The following USP13 variants were observed in gnomAD, a reference collection of about 807,000 sequenced individuals.
USP13 encodes the protein ubiquitin carboxyl-terminal hydrolase 13.
A neutral mutation model predicts 107.8 loss-of-function variants in USP13; 68 were observed. The observed-to-expected ratio is 0.63, with a 90% CI of 0.52 to 0.77. The LOEUF (loss-of-function observed/expected upper bound fraction) is 0.77, where lower values mean the gene tolerates loss of function less well. Ranked by LOEUF, USP13 falls within the 30% of genes least tolerant of loss-of-function variation. The pLI, the probability that USP13 is intolerant of heterozygous loss-of-function variation, is 0.00. For missense variants in USP13, 945 were observed against 1,093.3 expected, an observed-to-expected ratio of 0.86 and a Z score of 1.91; for synonymous variants, 377 against 389.5, an observed-to-expected ratio of 0.97 and a Z score of 0.38.
chr3:179,679,049 G>A (rs1332523162), intron 1 of USP13, among the ~76,000 whole-genome samples: 1 of 152,084 alleles, frequency 6.6e-6, no homozygotes, highest in South Asian at 2.1e-4. Context: ...TTGAGTTAAT[G>A]CTGTTAAGTG....
intron 16 of USP13, 132 bp from the exon 17 acceptor site, chr3:179,760,980 G>T: frequency 8.6e-7 from 1 of 1,167,274 alleles, no homozygotes. Context: ...ACTAAACAAA[G>T]TAAAACCATT....
intron 19 of USP13, among the ~76,000 whole-genome samples, chr3:179,777,759 C>G (rs1264549403): frequency 6.6e-6 from 1 of 152,084 alleles, no homozygotes; most frequent in Non-Finnish European, 1.5e-5. Flanking sequence ...CCTGTATCCT[C>G]TCTTCATTTC....
At chr3:179,697,524 C>A (rs1420821366) in intron 3 of USP13, among the ~76,000 whole-genome samples, 1 of 152,090 alleles carries the variant, frequency 6.6e-6, no homozygotes, top group African/African-American at 2.4e-5. Context: ...CTGGGAGGAT[C>A]ATCAAAGCAG....
intron 19 of USP13, among the ~76,000 whole-genome samples, chr3:179,773,757 TAGTC>T (rs1715410997): frequency 6.6e-6 from 1 of 152,240 alleles, no homozygotes. Context: ...GGTTAAAAAT[TAGTC>T]AGTGTCTGTC....
intron 19 of USP13, among the ~76,000 whole-genome samples, chr3:179,767,817 G>A (rs1031824596): frequency 6.6e-6 from 1 of 152,142 alleles, no homozygotes; most frequent in Admixed American, 6.5e-5. Context: ...TAATCATATA[G>A]TGGCAGATTT....
intron 12 of USP13, among the ~76,000 whole-genome samples, chr3:179,744,106 T>C (rs1277120903): frequency 6.6e-6 from 1 of 152,072 alleles, no homozygotes; most frequent in Admixed American, 6.6e-5. Context: ...CCTTCTGGGT[T>C]GGTAGCCCTG....
At chr3:179,758,655 C>T (rs1343622216) in intron 16 of USP13, among the ~76,000 whole-genome samples, 2 of 151,810 alleles carry the variant, frequency 1.3e-5, no homozygotes, top group Non-Finnish European at 2.9e-5. Context: ...CCTGCCACCA[C>T]AACCGGCTCA....
In USP13 at chr3:179,708,886, C is replaced by T. The variant is rs200478981; in HGVS notation, c.734C>T (p.Ala245Val). 1.2e-4 allele frequency: 200 copies of T among 1,613,970 alleles called. No homozygotes were observed. The highest frequency in any genetic ancestry group is 1.5e-4 in the Non-Finnish European group (179 of 1,180,036). Residue 245 changes from alanine (A) to valine (V), a missense_variant, in exon 6 of 21, where the codon GCG becomes GTG. Coordinates refer to ENST00000263966, the MANE Select transcript of USP13 (RefSeq NM_003940.3). ...FFDSSGGNGH[A>V]LEHYRDMGYP... ...GACAGCTCTGGGGGCAACGGGCATG[C>T]GCTGGAGCATTACAGAGACATGGGC...
Position 179,708,965 on chromosome 3 carries a change from C to T in USP13, c.805+8C>T, listed in dbSNP as rs1048247578. On this transcript the variant is annotated splice_region_variant and intron_variant, in intron 6 of 20. Coordinates refer to ENST00000263966, the MANE Select transcript of USP13 (RefSeq NM_003940.3). ...TCACTCCTGACGGGGCAGGTGAGTG[C>T]GCCTTTACCGACTTTGGGAACATGC... is the stretch of plus-strand genomic sequence containing the variant. 3 of 1,611,034 alleles carry T rather than the reference C, an allele frequency of 1.9e-6. No homozygotes were observed. Among genetic ancestry groups the T allele is most frequent in the Non-Finnish European group, 8.5e-7 (1 of 1,178,284 alleles).
At chr3:179,669,031 A>G (rs1226992247) in intron 1 of USP13, among the ~76,000 whole-genome samples, 7 of 152,198 alleles carry the variant, frequency 4.6e-5, no homozygotes, top group African/African-American at 1.7e-4. Flanking sequence ...GATGAAAGCA[A>G]AAGTTGGGCA....
intron 1 of USP13, among the ~76,000 whole-genome samples, chr3:179,672,891 C>T (rs931705535): frequency 2.0e-5 from 3 of 152,162 alleles, no homozygotes; most frequent in Non-Finnish European, 4.4e-5. Context: ...TCCTATTTAG[C>T]TTAGGATTGT....
intron 1 of USP13, among the ~76,000 whole-genome samples, chr3:179,654,679 G>C (rs1413679435): frequency 6.6e-6 from 1 of 152,178 alleles, no homozygotes; most frequent in East Asian, 1.9e-4. Context: ...GGCAGGTCTC[G>C]CAATGGTCTA....
In USP13 at chr3:179,754,843, A is replaced by T. The variant is rs767768294; in HGVS notation, c.1910A>T (p.Asp637Val). ...ATCAGCCCCCCCATAGTCATTCCTG[A>T]TGACTCAAAAGGTACCATCTCCTGC... ...PDISPPIVIP[D>V]DSKDRLMNQL... Residue 637 changes from aspartate (D) to valine (V), a missense_variant, in exon 15 of 21, where the codon GAT becomes GTT. By Grantham distance (152) the Asp-to-Val change is radical. Transcript: ENST00000263966. 6.2e-7 allele frequency: 1 copy of T among 1,610,816 alleles called. No homozygotes were observed. The highest frequency in any genetic ancestry group is 8.5e-7 in the Non-Finnish European group (1 of 1,178,794).
rs368030041 is a variant in USP13, at chr3:179,697,126, C to CT, written c.356-3874dup. On this transcript the variant is annotated intron_variant, in intron 3 of 20. Coordinates refer to ENST00000263966, the MANE Select transcript of USP13 (RefSeq NM_003940.3). ...TTCACCTCAGAAAACTTAAATTCCACTTTTTTTTGGCTTAGACCAGGTGTT... is the reference window on the plus strand; with the variant it reads ...TTCACCTCAGAAAACTTAAATTCCACTTTTTTTTTGGCTTAGACCAGGTGTT... Among the ~76,000 whole-genome samples, 259 of 151,808 alleles carry CT rather than the reference C, an allele frequency of 1.7e-3. 2 individuals are homozygous for CT. The highest frequency in any genetic ancestry group is 5.8e-3 in the African/African-American group (241 of 41,422).
intron 17 of USP13, among the ~76,000 whole-genome samples, chr3:179,761,831 G>A (rs1715024319): frequency 6.6e-6 from 1 of 152,180 alleles, no homozygotes. Context: ...CCAATAGAAA[G>A]ATACGGGATA....
chr3:179,755,223 A>T (rs9846426), intron 15 of USP13, among the ~76,000 whole-genome samples: 67,452 of 151,986 alleles, frequency 0.44, 16,407 homozygotes, highest in East Asian at 0.67. Flanking sequence ...TTTTTACTGC[A>T]TCATAGAAAG....
chr3:179,715,763 T>C (rs1713092763), intron 6 of USP13, among the ~76,000 whole-genome samples: 1 of 152,150 alleles, frequency 6.6e-6, no homozygotes, highest in African/African-American at 2.4e-5. Context: ...GAACTCCCGG[T>C]GGAGAGATGC....
intron 1 of USP13, among the ~76,000 whole-genome samples, chr3:179,674,046 A>T (rs1382029560): frequency 6.6e-6 from 1 of 152,160 alleles, no homozygotes; most frequent in Non-Finnish European, 1.5e-5. Context: ...GGCATGTGCC[A>T]CTACGCCCGG....
Position 179,721,100 on chromosome 3 carries a change from C to T in USP13, c.901-302C>T, listed in dbSNP as rs947215339. Reference sequence around the variant, plus strand: ...TTGGGATTACAGGTGTGAACCGCTGCGCCCGGCCTCTCTTTAAAATCTTTT... The same window carrying T: ...TTGGGATTACAGGTGTGAACCGCTGTGCCCGGCCTCTCTTTAAAATCTTTT... On this transcript the variant is annotated intron_variant, in intron 7 of 20. Coordinates refer to ENST00000263966, the MANE Select transcript of USP13 (RefSeq NM_003940.3). The surrounding 1 kb of genome is among the most constrained non-coding windows in gnomAD (Gnocchi z 4.3). Among the ~76,000 whole-genome samples the T allele has an allele frequency of 2.6e-5, 4 of 152,108 alleles. No homozygotes were observed. Among genetic ancestry groups the T allele is most frequent in the African/African-American group, 4.8e-5 (2 of 41,418 alleles).
Sources: allele counts gnomAD v4.1 joint callset (sites outside exome capture counted in the v4.1 genomes callset), GRCh38; gene constraint gnomAD v4.1.1; non-coding constraint Gnocchi (gnomAD v3.1); transcripts MANE v1.5; gene names NCBI Gene and HGNC (gene_info 2026-07-23, HGNC 2026-07-21).